The following DENND5B variants were observed in gnomAD, a reference collection of about 807,000 sequenced individuals.
The protein encoded by DENND5B is DENN domain containing 5B, also known as DENN domain-containing protein 5B.
Under a neutral mutation model 140.6 loss-of-function variants are expected in DENND5B, and 34 were observed. The observed-to-expected ratio is 0.24, with a 90% CI of 0.18 to 0.32. The LOEUF is 0.32. DENND5B is among the 10% of genes least tolerant of loss of function. DENND5B has a pLI of 1.00. For synonymous variants in DENND5B, 551 were observed against 562.1 expected, an observed-to-expected ratio of 0.98 and a Z score of 0.28; for missense variants, 1,142 against 1,560.2, an observed-to-expected ratio of 0.73 and a Z score of 4.52.
chr12:31,525,596 G>C (rs1445083771), intron 1 of DENND5B, among the ~76,000 whole-genome samples: 1 of 152,194 alleles, frequency 6.6e-6, no homozygotes, highest in Admixed American at 6.5e-5. Flanking sequence ...TTGTGGAATG[G>C]TTGCACAACT....
chr12:31,528,317 T>G (rs992580315), intron 1 of DENND5B, among the ~76,000 whole-genome samples: 1 of 152,340 alleles, frequency 6.6e-6, no homozygotes, highest in Admixed American at 6.5e-5. Context: ...TTCACATCAC[T>G]TCCTCCTGCG....
In DENND5B at chr12:31,422,592, A is replaced by G. The variant is rs182086871; in HGVS notation, c.2470+1005T>C. ...CTCCAACCTGGGTGACAAGATCGAG[A>G]CTCCATCTAAAACATTTCTGAATGT... On this transcript the variant is annotated intron_variant, in intron 11 of 20. Transcript: ENST00000389082. 5.4e-3 allele frequency among the ~76,000 whole-genome samples: 822 copies of G among 152,230 alleles called. 6 individuals are homozygous for G. The highest frequency in any genetic ancestry group is 0.019 in the African/African-American group (806 of 41,564).
At chr12:31,419,180 T>C (rs1236267802) in intron 11 of DENND5B, among the ~76,000 whole-genome samples, 2 of 152,348 alleles carry the variant, frequency 1.3e-5, no homozygotes, top group African/African-American at 4.8e-5. Context: ...TATACTTCCA[T>C]TACTATTTCT....
chr12:31,476,486 A>AG (rs1945814543), intron 3 of DENND5B, among the ~76,000 whole-genome samples: 2 of 151,800 alleles, frequency 1.3e-5, no homozygotes, highest in African/African-American at 4.8e-5. Flanking sequence ...GAAAGGAGAA[A>AG]AAAAAAAAAC....
At chr12:31,464,488 A>G (rs1185257528) in intron 3 of DENND5B, among the ~76,000 whole-genome samples, 2 of 152,138 alleles carry the variant, frequency 1.3e-5, no homozygotes, top group Admixed American at 6.6e-5. Flanking sequence ...CAATTCTATC[A>G]TAATTCTCTC....
chr12:31,485,736 C>CCTCTCTCTCTCT (rs55748263), intron 2 of DENND5B, among the ~76,000 whole-genome samples: 5 of 149,684 alleles, frequency 3.3e-5, no homozygotes, highest in African/African-American at 9.8e-5. Flanking sequence ...GCTTCCATCT[C>CCTCTCTCTCTCT]CTCTCTCTCT....
At chr12:31,516,632 G>C (rs1299329833) in intron 1 of DENND5B, among the ~76,000 whole-genome samples, 1 of 152,056 alleles carries the variant, frequency 6.6e-6, no homozygotes, top group African/African-American at 2.4e-5. Context: ...CGATTTATGT[G>C]CTCCTTCAAG....
intron 1 of DENND5B, among the ~76,000 whole-genome samples, chr12:31,537,671 A>C (rs1948549241): frequency 6.6e-6 from 1 of 152,116 alleles, no homozygotes; most frequent in Non-Finnish European, 1.5e-5. Flanking sequence ...AAAAAGACAG[A>C]GTGGCTGAAG....
chr12:31,456,389 C>A (rs74896214), intron 4 of DENND5B, among the ~76,000 whole-genome samples: 1,715 of 151,696 alleles, frequency 0.011, 18 homozygotes, highest in East Asian at 0.031. Flanking sequence ...AAAGCTTAAT[C>A]ATCTCTTCTG....
intron 4 of DENND5B, among the ~76,000 whole-genome samples, 166 bp from the exon 5 acceptor site, chr12:31,452,642 G>A (rs768103127): frequency 5.3e-5 from 8 of 151,978 alleles, no homozygotes; most frequent in Non-Finnish European, 7.4e-5. Flanking sequence ...TGGGAAACAC[G>A]GCAAGATTCT....
At chr12:31,459,085 G>A (rs1944902785) in intron 4 of DENND5B, among the ~76,000 whole-genome samples, 1 of 152,014 alleles carries the variant, frequency 6.6e-6, no homozygotes, top group African/African-American at 2.4e-5. Context: ...GGTGGTGCAT[G>A]CCTGTAATCC....
chr12:31,492,000 C>T (rs74668353), intron 2 of DENND5B, among the ~76,000 whole-genome samples: 6 of 152,292 alleles, frequency 3.9e-5, no homozygotes, highest in East Asian at 3.9e-4. Context: ...TTCATACAAA[C>T]GCACTTACTA....
chr12:31,572,014 C>T (rs1347813250), intron 1 of DENND5B, among the ~76,000 whole-genome samples: 2 of 152,096 alleles, frequency 1.3e-5, no homozygotes, highest in Admixed American at 6.5e-5. Context: ...CATGTGAGGT[C>T]GGGAGCTCAA....
intron 1 of DENND5B, among the ~76,000 whole-genome samples, chr12:31,577,286 A>C (rs1950046522): frequency 6.6e-6 from 1 of 152,246 alleles, no homozygotes; most frequent in African/African-American, 2.4e-5. Context: ...AAGAAAATAT[A>C]GTCTACAAAG....
chr12:31,428,731 TA>T (rs1439907950), intron 8 of DENND5B, among the ~76,000 whole-genome samples: 1 of 151,658 alleles, frequency 6.6e-6, no homozygotes, highest in Non-Finnish European at 1.5e-5. Context: ...CATGCCCGGC[TA>T]ATTATTTATT....
intron 1 of DENND5B, among the ~76,000 whole-genome samples, chr12:31,582,103 C>G (rs1444804051): frequency 6.6e-6 from 1 of 152,168 alleles, no homozygotes; most frequent in East Asian, 1.9e-4. Flanking sequence ...GTTTAATCCA[C>G]AGATGTGGAA....
chr12:31,561,331 A>G (rs954054006), intron 1 of DENND5B, among the ~76,000 whole-genome samples: 2 of 152,222 alleles, frequency 1.3e-5, no homozygotes, highest in African/African-American at 4.8e-5. Flanking sequence ...ACATTTCACA[A>G]TAATTTCCTA....
chr12:31,447,848 A>C, intron 5 of DENND5B, 79 bp from the exon 6 acceptor site: 1 of 950,720 alleles, frequency 1.1e-6, no homozygotes, highest in Non-Finnish European at 1.6e-6. Flanking sequence ...AATTATGTTA[A>C]CTCAGGACAT....
At chr12:31,458,140 T>A (rs1210221617) in intron 4 of DENND5B, among the ~76,000 whole-genome samples, 1 of 152,206 alleles carries the variant, frequency 6.6e-6, no homozygotes, top group East Asian at 1.9e-4. Context: ...TCACAGACAT[T>A]ACTGTAGGAG....
Sources: gnomAD v4.1 joint callset for allele counts (sites outside exome capture counted in the v4.1 genomes callset) on GRCh38, gnomAD v4.1.1 for gene constraint, MANE v1.5 for transcripts, NCBI Gene and HGNC (gene_info 2026-07-23, HGNC 2026-07-21) for gene names.